Variants in TBCK observed in about 807,000 individuals in gnomAD.
TBCK encodes TBC domain-containing protein kinase-like protein.
A neutral mutation model predicts 113.4 loss-of-function variants in TBCK; 99 were observed. The observed-to-expected ratio is 0.87, with a 90% CI of 0.74 to 1.03. TBCK has a LOEUF of 1.03. Ranked by LOEUF, TBCK falls within the 50% of genes least tolerant of loss-of-function variation. TBCK has a pLI of 0.00. For missense variants in TBCK, 1,045 were observed against 1,061.3 expected, an observed-to-expected ratio of 0.98 and a Z score of 0.21; for synonymous variants, 369 against 370.8, an observed-to-expected ratio of 1.00 and a Z score of 0.05.
At chr4:106,223,426 A>G (rs917249713) in intron 19 of TBCK, among the ~76,000 whole-genome samples, 7 of 152,244 alleles carry the variant, frequency 4.6e-5, no homozygotes, top group African/African-American at 1.7e-4. Flanking sequence ...AGTTTGCCTG[A>G]GAGAGTCCCA....
chr4:106,169,495 T>C (rs1750756350), intron 23 of TBCK, among the ~76,000 whole-genome samples: 1 of 152,052 alleles, frequency 6.6e-6, no homozygotes, highest in South Asian at 2.1e-4. Context: ...AATTCAAAAT[T>C]TGAAACAAAG....
chr4:106,184,515 G>A (rs768608400), intron 22 of TBCK, among the ~76,000 whole-genome samples: 1 of 152,032 alleles, frequency 6.6e-6, no homozygotes, highest in East Asian at 1.9e-4. Context: ...AAATAATTAT[G>A]CATGAATATT....
At chr4:106,213,382 G>C (rs554247372) in intron 19 of TBCK, 1 of 155,556 alleles carries the variant, frequency 6.4e-6, no homozygotes, top group African/African-American at 2.4e-5. Context: ...GGCCGAATAG[G>C]AACAGCTCAG....
chr4:106,219,417 A>G (rs1757406343), intron 19 of TBCK, among the ~76,000 whole-genome samples: 1 of 150,920 alleles, frequency 6.6e-6, no homozygotes, highest in Non-Finnish European at 1.5e-5. Context: ...AAAAATTAAA[A>G]GTATAAAAAA....
Position 106,251,874 on chromosome 4 carries a change from G to T in TBCK, c.589C>A (p.Leu197Ile), listed in dbSNP as rs377620473. 1 of 1,597,904 alleles carries T rather than the reference G, an allele frequency of 6.3e-7. No homozygotes were observed. Among genetic ancestry groups the T allele is most frequent in the East Asian group, 2.2e-5 (1 of 44,708 alleles). ...TATTTCTTTATACATACCACACAAAGCTCAAATAAAATGATTCCAAGAGAC... is the reference window on the plus strand; with the variant it reads ...TATTTCTTTATACATACCACACAAATCTCAAATAAAATGATTCCAAGAGAC... Reference protein sequence around the residue: ...VWSLGIILFELCVGRKLFQSL... With the variant: ...VWSLGIILFEICVGRKLFQSL... Residue 197 changes from leucine to isoleucine, a missense_variant, in exon 6 of 26, where the codon CTT (leucine) becomes ATT (isoleucine). Coordinates refer to ENST00000394708, the MANE Select transcript of TBCK (RefSeq NM_001163435.3).
rs780200490 is a variant in TBCK at position 106,308,975 on chromosome 4, G to A, written c.-15C>T. ...AGGGGAAACATTTTTGGAGTCCTAG[G>A]TCTTCTAAGATAATCTGGAAAAGGA... On this transcript the variant is annotated 5_prime_UTR_variant, in exon 2 of 26. Coordinates refer to ENST00000394708, the MANE Select transcript of TBCK (RefSeq NM_001163435.3). The A allele has an allele frequency of 8.1e-6, 13 of 1,606,676 alleles. No individual in the cohort carries two copies. Among genetic ancestry groups the A allele is most frequent in the Non-Finnish European group, 1.1e-5 (13 of 1,176,516 alleles).
Position 106,286,153 on chromosome 4 carries a change from A to G in TBCK, c.266+8941T>C, listed in dbSNP as rs556413249. On this transcript the variant is annotated intron_variant, in intron 3 of 25. Transcript: ENST00000394708. ...ATAATTTAAAAATAGTACTTTATTT[A>G]CACAAATGCTTAAATACATCTCAAT... 5.6e-3 allele frequency among the ~76,000 whole-genome samples: 846 copies of G among 152,356 alleles called. 9 individuals carry two copies. Among genetic ancestry groups the G allele is most frequent in the African/African-American group, 0.02 (816 of 41,590 alleles).
intron 23 of TBCK, among the ~76,000 whole-genome samples, chr4:106,125,102 G>C (rs1745016253): frequency 6.6e-6 from 1 of 152,032 alleles, no homozygotes; most frequent in South Asian, 2.1e-4. Context: ...GTGGAGAAAG[G>C]AGAATGCTAG....
chr4:106,290,276 C>T (rs1242387551), intron 3 of TBCK, among the ~76,000 whole-genome samples: 1 of 152,124 alleles, frequency 6.6e-6, no homozygotes, highest in African/African-American at 2.4e-5. Flanking sequence ...CTCCCGGGTT[C>T]ACGCCATTCT....
chr4:106,071,746 G>GGTCTCTA, intron 25 of TBCK, among the ~76,000 whole-genome samples: 1 of 152,142 alleles, frequency 6.6e-6, no homozygotes, highest in East Asian at 1.9e-4. Context: ...TCTCTTTGTA[G>GGTCTCTA]GTCTCTAGGA....
chr4:106,198,422 G>A (rs958073362), intron 20 of TBCK, among the ~76,000 whole-genome samples: 1 of 152,062 alleles, frequency 6.6e-6, no homozygotes, highest in African/African-American at 2.4e-5. Flanking sequence ...TCTACTTCCT[G>A]AGAAGGCAGA....
chr4:106,180,738 T>C lies in TBCK; in HGVS notation c.2060-9468A>G, dbSNP rs186992562. On this transcript the variant is annotated intron_variant, in intron 22 of 25. Coordinates refer to ENST00000394708, the MANE Select transcript of TBCK (RefSeq NM_001163435.3). ...CATCTTTTTTATGGCTGCATAGTAT[T>C]CCATGGTATATATGTGCCACAATTT... Among the ~76,000 whole-genome samples, 232 of 152,308 alleles carry C rather than the reference T, an allele frequency of 1.5e-3. 1 individual carries two copies. Among genetic ancestry groups the C allele is most frequent in the African/African-American group, 5.4e-3 (226 of 41,574 alleles).
intron 25 of TBCK, among the ~76,000 whole-genome samples, chr4:106,079,845 T>C (rs1281788576): frequency 1.3e-5 from 2 of 152,112 alleles, no homozygotes; most frequent in Non-Finnish European, 2.9e-5. Flanking sequence ...ACAATCATGA[T>C]GGAAGGTGAG....
At chr4:106,295,838 C>A (rs1242402660) in intron 2 of TBCK, among the ~76,000 whole-genome samples, 1 of 152,122 alleles carries the variant, frequency 6.6e-6, no homozygotes, top group Non-Finnish European at 1.5e-5. Context: ...GGATTCATGA[C>A]ATACCTTTTT....
At chr4:106,084,354 T>C (rs1204377091) in intron 25 of TBCK, among the ~76,000 whole-genome samples, 1 of 151,982 alleles carries the variant, frequency 6.6e-6, no homozygotes, top group Non-Finnish European at 1.5e-5. Flanking sequence ...GAAGACCACC[T>C]TACTGAAATA....
intron 9 of TBCK, 131 bp from the exon 10 acceptor site, chr4:106,247,418 T>C (rs1760963866): frequency 2.5e-6 from 2 of 796,838 alleles, no homozygotes; most frequent in African/African-American, 3.5e-5. Flanking sequence ...CAGCTCTCTT[T>C]TGCAGAGTCT....
chr4:106,066,589 C>T (rs7679603), intron 25 of TBCK, among the ~76,000 whole-genome samples: 8 of 151,802 alleles, frequency 5.3e-5, no homozygotes, highest in East Asian at 1.9e-4. Context: ...GTTTTAAGTA[C>T]GCTTGCAATA....
chr4:106,093,856 A>T (rs978803909), intron 25 of TBCK, among the ~76,000 whole-genome samples: 4 of 152,196 alleles, frequency 2.6e-5, no homozygotes, highest in African/African-American at 9.7e-5. Context: ...ATTACAAATT[A>T]AAAATAATAT....
At position 106,095,643 on chromosome 4, in the gene TBCK, T is replaced by C; in HGVS notation, c.2412-2A>G. 6.2e-7 allele frequency: 1 copy of C among 1,611,882 alleles called. No homozygotes were observed. The highest frequency in any genetic ancestry group is 8.5e-7 in the Non-Finnish European group (1 of 1,178,952). ...CCTGAAATGTGACCACGAATAAAGC[T>C]GAGAAGGAAAGTTTAAGGAAAACAT... On this transcript the variant is annotated splice_acceptor_variant, in intron 24 of 25. Transcript: ENST00000394708. LOFTEE classifies it high-confidence loss of function.
Sources: allele counts gnomAD v4.1 joint callset (sites outside exome capture counted in the v4.1 genomes callset), GRCh38; gene constraint gnomAD v4.1.1; transcripts MANE v1.5; gene names NCBI Gene and HGNC (gene_info 2026-07-23, HGNC 2026-07-21).